BMPR1B: variants seen among roughly 807,000 people sequenced by gnomAD.
The protein encoded by BMPR1B is bone morphogenetic protein receptor type 1B, also known as bone morphogenetic protein receptor type-1B.
Under a neutral mutation model 59.1 loss-of-function variants are expected in BMPR1B, and 12 were observed. That is an observed-to-expected ratio of 0.20 (90% CI 0.13 to 0.33). The LOEUF is 0.33. Among genes scored for constraint, BMPR1B ranks in the 10% least tolerant of loss-of-function variants. The probability of loss-of-function intolerance (pLI) is 1.00; values close to 1 mark genes in which losing one functional copy is unlikely to be tolerated. For synonymous variants in BMPR1B, 237 were observed against 207.3 expected, an observed-to-expected ratio of 1.14 and a Z score of -1.23; for missense variants, 550 against 610.9, an observed-to-expected ratio of 0.90 and a Z score of 1.05.
intron 1 of BMPR1B, among the ~76,000 whole-genome samples, chr4:94,786,131 C>A (rs1000360266): frequency 6.6e-6 from 1 of 152,068 alleles, no homozygotes; most frequent in East Asian, 1.9e-4. Flanking sequence ...ATTATGGAAA[C>A]ATTTGTAGAA....
intron 1 of BMPR1B, among the ~76,000 whole-genome samples, chr4:94,760,268 G>A (rs1169408682): frequency 6.6e-6 from 1 of 152,126 alleles, no homozygotes; most frequent in African/African-American, 2.4e-5. Context: ...TTCCCTGTTA[G>A]ATTATTGTCC....
intron 3 of BMPR1B, among the ~76,000 whole-genome samples, chr4:95,083,581 C>T (rs1280384705): frequency 1.3e-5 from 2 of 152,136 alleles, no homozygotes; most frequent in Admixed American, 1.3e-4. Context: ...CAGGAAAGTG[C>T]TTATGATATT....
At chr4:94,763,499 T>C (rs1721856281) in intron 1 of BMPR1B, among the ~76,000 whole-genome samples, 2 of 152,230 alleles carry the variant, frequency 1.3e-5, no homozygotes, top group Admixed American at 6.5e-5. Context: ...GGCGTCAGCT[T>C]TGGAAGATAT....
At chr4:95,081,612 T>C (rs74601626) in intron 3 of BMPR1B, among the ~76,000 whole-genome samples, 3,363 of 152,278 alleles carry the variant, frequency 0.022, 52 homozygotes, top group South Asian at 0.039. Flanking sequence ...AAAAGATCAG[T>C]TTAAAATACA....
intron 1 of BMPR1B, among the ~76,000 whole-genome samples, chr4:94,807,877 GT>G (rs1723670753): frequency 6.6e-6 from 1 of 152,054 alleles, no homozygotes; most frequent in Admixed American, 6.6e-5. Context: ...TAGAGGCGAG[GT>G]TTTTCCATGT....
At chr4:94,778,647 A>G (rs1298632421) in intron 1 of BMPR1B, among the ~76,000 whole-genome samples, 2 of 152,180 alleles carry the variant, frequency 1.3e-5, no homozygotes, top group Non-Finnish European at 2.9e-5. Context: ...CAGCATGTGG[A>G]TAATTCCTAT....
chr4:95,109,261 G>A (rs1430867291), intron 4 of BMPR1B, among the ~76,000 whole-genome samples: 3 of 152,136 alleles, frequency 2.0e-5, no homozygotes, highest in African/African-American at 4.8e-5. Context: ...GTTTACAGAT[G>A]TAATAAATCA....
At chr4:95,084,409 A>G (rs1729412361) in intron 3 of BMPR1B, among the ~76,000 whole-genome samples, 2 of 151,854 alleles carry the variant, frequency 1.3e-5, no homozygotes, top group Middle Eastern at 3.4e-3. Flanking sequence ...ATGATTTTCT[A>G]GTTTGTGGCC....
In BMPR1B at chr4:95,158,383, A is replaced by G. The variant is rs1031320523; in HGVS notation, c.*3710A>G. On this transcript the variant is annotated 3_prime_UTR_variant, in exon 13 of 13. Transcript: ENST00000515059. Reference sequence around the variant, plus strand: ...AACAATTGTATTGTATTTGTTACAGATTGTATATGGCTTTGTTTTAACATT... The same window carrying G: ...AACAATTGTATTGTATTTGTTACAGGTTGTATATGGCTTTGTTTTAACATT... 2.0e-5 allele frequency: 3 copies of G among 152,186 alleles called. No homozygotes were observed. Among genetic ancestry groups the G allele is most frequent in the Non-Finnish European group, 4.4e-5 (3 of 68,044 alleles). 9.4% of individuals were successfully genotyped at this position (152,186 alleles called of 1,614,324 possible).
intron 2 of BMPR1B, among the ~76,000 whole-genome samples, chr4:94,886,152 A>G (rs992838911): frequency 1.3e-5 from 2 of 152,224 alleles, no homozygotes; most frequent in Admixed American, 6.5e-5. Flanking sequence ...GAAAAATAAT[A>G]TATCAGCCAA....
intron 1 of BMPR1B, among the ~76,000 whole-genome samples, chr4:94,860,744 G>A (rs1200049466): frequency 2.0e-5 from 3 of 152,180 alleles, no homozygotes; most frequent in Admixed American, 6.5e-5. Context: ...GCTTGGCAGA[G>A]CTGAGTCTTC....
At chr4:95,086,875 G>C (rs1488987377) in intron 3 of BMPR1B, among the ~76,000 whole-genome samples, 3 of 152,032 alleles carry the variant, frequency 2.0e-5, no homozygotes, top group Non-Finnish European at 4.4e-5. Flanking sequence ...TTTGACATTT[G>C]GAAATATGAA....
chr4:94,777,949 C>A (rs1048266475), intron 1 of BMPR1B, among the ~76,000 whole-genome samples: 1 of 151,816 alleles, frequency 6.6e-6, no homozygotes, highest in Non-Finnish European at 1.5e-5. Context: ...TCACTTGAAC[C>A]TGGGAGGCGG....
intron 1 of BMPR1B, among the ~76,000 whole-genome samples, chr4:94,869,758 AT>A (rs1726405226): frequency 6.6e-6 from 1 of 152,152 alleles, no homozygotes. Flanking sequence ...TCATGTAAGC[AT>A]TTCTTTTAAA....
chr4:94,940,874 C>A (rs1482489878), intron 2 of BMPR1B, among the ~76,000 whole-genome samples: 1 of 151,822 alleles, frequency 6.6e-6, no homozygotes, highest in Non-Finnish European at 1.5e-5. Flanking sequence ...GGTTTCTCTG[C>A]TTCTGGTTTT....
At chr4:94,948,364 A>G (rs781242380) in intron 2 of BMPR1B, among the ~76,000 whole-genome samples, 2 of 152,178 alleles carry the variant, frequency 1.3e-5, no homozygotes, top group Non-Finnish European at 2.9e-5. Context: ...AGGCCAGAGT[A>G]GTACCAGAGA....
intron 1 of BMPR1B, among the ~76,000 whole-genome samples, chr4:94,767,503 A>G (rs1024067778): frequency 4.6e-5 from 7 of 152,144 alleles, no homozygotes; most frequent in African/African-American, 1.7e-4. Flanking sequence ...TTTTCATTCA[A>G]AAGTCCTTAT....
intron 2 of BMPR1B, among the ~76,000 whole-genome samples, chr4:94,965,255 T>C (rs1730511309): frequency 6.6e-6 from 1 of 152,156 alleles, no homozygotes; most frequent in African/African-American, 2.4e-5. Flanking sequence ...ACACTGTACA[T>C]AGTATCTTTT....
chr4:94,954,927 A>T (rs1730085042), intron 2 of BMPR1B, among the ~76,000 whole-genome samples: 1 of 152,160 alleles, frequency 6.6e-6, no homozygotes, highest in Non-Finnish European at 1.5e-5. Context: ...TTATTATTAT[A>T]TAAGACTTAC....
Sources: gnomAD v4.1 joint callset for allele counts (sites outside exome capture counted in the v4.1 genomes callset) on GRCh38, gnomAD v4.1.1 for gene constraint, MANE v1.5 for transcripts, NCBI Gene and HGNC (gene_info 2026-07-23, HGNC 2026-07-21) for gene names.